CTNNA3: variants seen among roughly 807,000 people sequenced by gnomAD.
CTNNA3 encodes the protein catenin alpha-3.
In CTNNA3, 76 loss-of-function variants were observed where a neutral mutation model predicts 95.7. The observed-to-expected ratio is 0.79, with a 90% CI of 0.66 to 0.96. The LOEUF (loss-of-function observed/expected upper bound fraction) is 0.96, where lower values mean the gene tolerates loss of function less well. Ranked by LOEUF, CTNNA3 falls within the 40% of genes least tolerant of loss-of-function variation. The pLI is 0.00. For missense variants in CTNNA3, 1,191 were observed against 1,089.8 expected, an observed-to-expected ratio of 1.09 and a Z score of -1.31; for synonymous variants, 431 against 374.4, an observed-to-expected ratio of 1.15 and a Z score of -1.74.
At chr10:67,466,696 C>T (rs571325743) in intron 5 of CTNNA3, among the ~76,000 whole-genome samples, 2 of 152,176 alleles carry the variant, frequency 1.3e-5, no homozygotes, top group South Asian at 2.1e-4. Context: ...AGATGTCAAG[C>T]GGTGTTTGAA....
chr10:66,942,413 A>G (rs1022658759), intron 7 of CTNNA3, among the ~76,000 whole-genome samples: 1 of 152,200 alleles, frequency 6.6e-6, no homozygotes, highest in East Asian at 1.9e-4. Flanking sequence ...AATGTTGTTC[A>G]GCAACACAAC....
chr10:67,303,095 G>T (rs1840394311), intron 5 of CTNNA3, among the ~76,000 whole-genome samples: 1 of 152,146 alleles, frequency 6.6e-6, no homozygotes, highest in Non-Finnish European at 1.5e-5. Flanking sequence ...TGATTCTAAT[G>T]TGCACCAATG....
intron 8 of CTNNA3, among the ~76,000 whole-genome samples, chr10:66,771,166 T>C (rs1159942669): frequency 6.6e-6 from 1 of 152,180 alleles, no homozygotes; most frequent in African/African-American, 2.4e-5. Flanking sequence ...AGTTTTTGTT[T>C]TGTCTGTTTT....
intron 13 of CTNNA3, among the ~76,000 whole-genome samples, chr10:66,187,908 G>C (rs2086426911): frequency 6.6e-6 from 1 of 152,114 alleles, no homozygotes; most frequent in East Asian, 1.9e-4. Flanking sequence ...GCAGTGAATA[G>C]AAACTGTCCC....
intron 10 of CTNNA3, among the ~76,000 whole-genome samples, chr10:66,597,296 G>A (rs1564557677): frequency 6.6e-6 from 1 of 151,220 alleles, no homozygotes; most frequent in Non-Finnish European, 1.5e-5. Flanking sequence ...GGAGTAAAAT[G>A]AACACCAGAT....
chr10:66,226,866 T>G (rs753208303), intron 13 of CTNNA3, among the ~76,000 whole-genome samples: 17 of 152,134 alleles, frequency 1.1e-4, no homozygotes, highest in Non-Finnish European at 2.1e-4. Flanking sequence ...CTAAGTTTAT[T>G]ATTGGTGTAT....
chr10:67,299,657 GCCATAAAGATTCAT>G (rs1242728801), intron 5 of CTNNA3, among the ~76,000 whole-genome samples: 1 of 152,174 alleles, frequency 6.6e-6, no homozygotes, highest in African/African-American at 2.4e-5. Flanking sequence ...GTCTCAGTAT[GCCATAAAGATTCAT>G]CCATAAATCA....
chr10:66,715,424 G>A (rs1848420475), intron 9 of CTNNA3, among the ~76,000 whole-genome samples: 1 of 151,952 alleles, frequency 6.6e-6, no homozygotes, highest in Admixed American at 6.6e-5. Flanking sequence ...TTATTGGTAA[G>A]CCCACTCCTA....
intron 13 of CTNNA3, among the ~76,000 whole-genome samples, chr10:66,154,792 A>AT (rs1347486354): frequency 2.1e-5 from 3 of 143,480 alleles, no homozygotes; most frequent in Non-Finnish European, 4.5e-5. Flanking sequence ...TGTCCTATTA[A>AT]TTTTTTAACA....
intron 16 of CTNNA3, among the ~76,000 whole-genome samples, chr10:65,976,574 A>C (rs531053500): frequency 3.3e-5 from 5 of 152,322 alleles, no homozygotes; most frequent in Non-Finnish European, 7.4e-5. Flanking sequence ...TTATAACAGA[A>C]GCAGTCAGTT....
chr10:67,052,348 C>CTCTCTCTCTT (rs1554906455), intron 7 of CTNNA3, among the ~76,000 whole-genome samples: 1 of 134,264 alleles, frequency 7.4e-6, no homozygotes, highest in Non-Finnish European at 1.6e-5. Flanking sequence ...CTCTCTCTCT[C>CTCTCTCTCTT]TCTCTCATTA....
At chr10:67,230,966 C>A (rs74492081) in intron 5 of CTNNA3, among the ~76,000 whole-genome samples, 2 of 152,146 alleles carry the variant, frequency 1.3e-5, no homozygotes, top group African/African-American at 2.4e-5. Context: ...GCTTTTCCGA[C>A]GGGCTTAAAA....
intron 11 of CTNNA3, among the ~76,000 whole-genome samples, chr10:66,515,720 G>C (rs1156558295): frequency 6.6e-6 from 1 of 152,014 alleles, no homozygotes; most frequent in Non-Finnish European, 1.5e-5. Flanking sequence ...TGGCAGGAAG[G>C]AGAATGAGAG....
In CTNNA3 at chr10:66,927,147, G is replaced by C. The variant is rs777864886; in HGVS notation, c.1048-151623C>G. 96 of 1,613,936 alleles carry C rather than the reference G, an allele frequency of 5.9e-5. No homozygotes were observed. The highest frequency in any genetic ancestry group is 8.0e-5 in the Non-Finnish European group (94 of 1,179,998). On this transcript the variant is annotated intron_variant, in intron 7 of 17. Coordinates refer to ENST00000433211, the MANE Select transcript of CTNNA3 (RefSeq NM_013266.4). This position sits in a 1 kb window ranked among gnomAD's most constrained non-coding sequence, Gnocchi z 4.7. The stretch of plus-strand genomic sequence containing the variant: ...GCTATAACAGCCTTCAAAAACTTAA[G>C]TATAATCAATTTAAAGGGCTCAACC...
chr10:67,184,093 A>T (rs1862718908), intron 6 of CTNNA3, among the ~76,000 whole-genome samples: 1 of 152,012 alleles, frequency 6.6e-6, no homozygotes, highest in Non-Finnish European at 1.5e-5. Flanking sequence ...ATGGAGAAGG[A>T]CTCTCTGGTG....
At chr10:66,498,816 A>C (rs974785249) in intron 11 of CTNNA3, among the ~76,000 whole-genome samples, 2 of 152,202 alleles carry the variant, frequency 1.3e-5, no homozygotes, top group African/African-American at 2.4e-5. Flanking sequence ...TTTGCAGTCT[A>C]ACTAGAATAG....
At chr10:67,179,642 A>G (rs1425387348) in intron 7 of CTNNA3, among the ~76,000 whole-genome samples, 1 of 152,120 alleles carries the variant, frequency 6.6e-6, no homozygotes, top group Non-Finnish European at 1.5e-5. Context: ...CAGTCTGGGC[A>G]TTATGGCAAA....
intron 15 of CTNNA3, among the ~76,000 whole-genome samples, chr10:66,012,419 C>A (rs1589247934): frequency 6.6e-6 from 1 of 152,238 alleles, no homozygotes; most frequent in Middle Eastern, 3.4e-3. Context: ...ACAACTGTTA[C>A]ATTTAAAGTC....
intron 7 of CTNNA3, among the ~76,000 whole-genome samples, chr10:66,953,118 G>A (rs922328720): frequency 6.6e-6 from 1 of 152,096 alleles, no homozygotes; most frequent in African/African-American, 2.4e-5. Context: ...ATTCAGGTCT[G>A]ACCTCGGTTA....
Sources: allele counts gnomAD v4.1 joint callset (sites outside exome capture counted in the v4.1 genomes callset), GRCh38; gene constraint gnomAD v4.1.1; non-coding constraint Gnocchi (gnomAD v3.1); transcripts MANE v1.5; gene names NCBI Gene and HGNC (gene_info 2026-07-23, HGNC 2026-07-21).